FAM222A: variants seen among roughly 807,000 people sequenced by gnomAD.
FAM222A encodes the protein protein FAM222A.
FAM222A carries 7 observed loss-of-function variants against 25.8 expected under a neutral mutation model. The observed-to-expected ratio is 0.27, with a 90% CI of 0.15 to 0.51. FAM222A has a LOEUF of 0.51. FAM222A is among the 20% of genes least tolerant of loss of function. The pLI is 0.97. For missense variants in FAM222A, 573 were observed against 640.5 expected, an observed-to-expected ratio of 0.89 and a Z score of 1.14; for synonymous variants, 294 against 298.8, an observed-to-expected ratio of 0.98 and a Z score of 0.17.
chr12:109,756,822 C>T (rs1448536520), intron 2 of FAM222A, among the ~76,000 whole-genome samples: 3 of 152,044 alleles, frequency 2.0e-5, no homozygotes, highest in Non-Finnish European at 4.4e-5. Context: ...TGTGTAATAT[C>T]TTTGTCTGGT....
intron 2 of FAM222A, among the ~76,000 whole-genome samples, chr12:109,753,513 G>A (rs1010623359): frequency 4.0e-5 from 6 of 151,366 alleles, no homozygotes; most frequent in Admixed American, 6.6e-5. Flanking sequence ...AGAGGACCCC[G>A]CAGGGCCTAG....
At position 109,759,324 on chromosome 12, in the gene FAM222A, G is replaced by A. The variant is rs151147490; in HGVS notation, c.83-8688G>A. On this transcript the variant is annotated intron_variant, in intron 2 of 2. Transcript: ENST00000538780. ...CCTGGCCCTGCCTGGCTCACTCTGC[G>A]GTAGGTGCCTGGGGTCCCATATCAC... 5.9e-3 allele frequency among the ~76,000 whole-genome samples: 903 copies of A among 152,204 alleles called. 2 individuals are homozygous for A. Among genetic ancestry groups the A allele is most frequent in the Non-Finnish European group, 9.6e-3 (655 of 67,994 alleles).
At chr12:109,724,567 C>T (rs2136320303) in intron 1 of FAM222A, among the ~76,000 whole-genome samples, 1 of 152,314 alleles carries the variant, frequency 6.6e-6, no homozygotes, top group South Asian at 2.1e-4. Flanking sequence ...GAGGCTTCCC[C>T]CGGGGCCTGC....
intron 1 of FAM222A, among the ~76,000 whole-genome samples, chr12:109,732,063 A>G (rs1887958688): frequency 6.6e-6 from 1 of 152,170 alleles, no homozygotes; most frequent in African/African-American, 2.4e-5. Context: ...CATCACAGTA[A>G]GAGGACGTTT....
intron 1 of FAM222A, among the ~76,000 whole-genome samples, chr12:109,737,732 G>T (rs7972233): frequency 6.6e-6 from 1 of 152,026 alleles, no homozygotes; most frequent in East Asian, 1.9e-4. Context: ...AAGAATCCCC[G>T]GCTTGAGAGA....
intron 2 of FAM222A, among the ~76,000 whole-genome samples, chr12:109,760,719 A>G (rs772965515): frequency 6.6e-6 from 1 of 152,328 alleles, no homozygotes; most frequent in East Asian, 1.9e-4. Flanking sequence ...CGGGGCTGCC[A>G]CAAGGACTGC....
At chr12:109,762,250 G>A (rs984040064) in intron 2 of FAM222A, among the ~76,000 whole-genome samples, 1 of 152,198 alleles carries the variant, frequency 6.6e-6, no homozygotes, top group South Asian at 2.1e-4. Flanking sequence ...CGGGCACAGT[G>A]GGGAGGGTGC....
chr12:109,753,088 A>C (rs551549410), intron 2 of FAM222A, among the ~76,000 whole-genome samples: 1 of 152,322 alleles, frequency 6.6e-6, no homozygotes, highest in South Asian at 2.1e-4. Context: ...GTTAATATGC[A>C]AACTTTGAGT....
chr12:109,744,031 CG>C, intron 1 of FAM222A, 69 bp from the exon 2 acceptor site: 2 of 1,463,938 alleles, frequency 1.4e-6, no homozygotes, highest in Admixed American at 2.4e-5. Flanking sequence ...GGGAGACTCC[CG>C]GGGGGAATGG....
chr12:109,717,547 G>A (rs113334802), intron 1 of FAM222A, among the ~76,000 whole-genome samples: 1,995 of 152,302 alleles, frequency 0.013, 49 homozygotes, highest in African/African-American at 0.046. Context: ...CTGGGTGGCC[G>A]GAGTGGCCCT....
chr12:109,747,200 T>C (rs1372104405), intron 2 of FAM222A, among the ~76,000 whole-genome samples: 2 of 152,190 alleles, frequency 1.3e-5, no homozygotes, highest in Non-Finnish European at 2.9e-5. Flanking sequence ...TTCAAGTGAT[T>C]CTCCTGCCTC....
intron 1 of FAM222A, among the ~76,000 whole-genome samples, chr12:109,727,325 G>A (rs1227602042): frequency 3.3e-5 from 5 of 152,162 alleles, no homozygotes; most frequent in African/African-American, 1.2e-4. Context: ...CTCGGAGGGG[G>A]AGGGGGTGCT....
chr12:109,767,808 G>T (rs966803706), intron 2 of FAM222A, among the ~76,000 whole-genome samples: 2 of 152,208 alleles, frequency 1.3e-5, no homozygotes, highest in Non-Finnish European at 2.9e-5. Flanking sequence ...CATAAAACAG[G>T]TGTGTTCCTT....
intron 2 of FAM222A, among the ~76,000 whole-genome samples, chr12:109,749,941 A>G (rs1311641379): frequency 6.6e-6 from 1 of 152,168 alleles, no homozygotes; most frequent in Non-Finnish European, 1.5e-5. Context: ...TTTCTGAATT[A>G]CTTTGTTTAG....
intron 1 of FAM222A, among the ~76,000 whole-genome samples, chr12:109,728,090 G>A (rs1465722815): frequency 6.6e-6 from 1 of 152,218 alleles, no homozygotes. Flanking sequence ...GTAAAGTGCT[G>A]AGCTTGGTAC....
At chr12:109,742,571 C>T (rs1888274511) in intron 1 of FAM222A, among the ~76,000 whole-genome samples, 1 of 151,166 alleles carries the variant, frequency 6.6e-6, no homozygotes, top group Admixed American at 6.6e-5. Context: ...TGAGAATCAC[C>T]TCCCCTCCCC....
At chr12:109,745,967 T>C (rs987888302) in intron 2 of FAM222A, among the ~76,000 whole-genome samples, 7 of 152,154 alleles carry the variant, frequency 4.6e-5, no homozygotes, top group African/African-American at 1.7e-4. Flanking sequence ...GAGCTATTTG[T>C]GTATGATGGA....
intron 2 of FAM222A, among the ~76,000 whole-genome samples, chr12:109,759,750 C>T (rs1170630338): frequency 6.6e-6 from 1 of 152,220 alleles, no homozygotes. Flanking sequence ...AGCCCAGATG[C>T]TGCCTGGCGG....
chr12:109,723,502 G>T (rs1278098382), intron 1 of FAM222A, among the ~76,000 whole-genome samples: 1 of 152,124 alleles, frequency 6.6e-6, no homozygotes, highest in African/African-American at 2.4e-5. Context: ...CCTGTCCTGG[G>T]TCCCGGGCCC....
Sources: gnomAD v4.1 joint callset for allele counts (sites outside exome capture counted in the v4.1 genomes callset) on GRCh38, gnomAD v4.1.1 for gene constraint, MANE v1.5 for transcripts, NCBI Gene and HGNC (gene_info 2026-07-23, HGNC 2026-07-21) for gene names.